The following MTUS2 variants were observed in gnomAD, a reference collection of about 807,000 sequenced individuals.
MTUS2 encodes the protein microtubule associated scaffold protein 2, also known as microtubule-associated tumor suppressor candidate 2.
In MTUS2, 40 loss-of-function variants were observed where a neutral mutation model predicts 114.1. The ratio of observed to expected loss-of-function variants is 0.35; its 90% CI spans 0.27 to 0.46. The LOEUF (loss-of-function observed/expected upper bound fraction) is 0.46, where lower values mean the gene tolerates loss of function less well. Ranked by LOEUF, MTUS2 falls within the 20% of genes least tolerant of loss-of-function variation. The pLI is 1.00. For missense variants in MTUS2, 1,679 were observed against 1,705.4 expected (o/e 0.98, Z 0.27); for synonymous variants, 688 against 672.0 (o/e 1.02, Z -0.37).
intron 4 of MTUS2, among the ~76,000 whole-genome samples, chr13:29,094,677 T>A (rs1195925300): frequency 6.6e-6 from 1 of 152,028 alleles, no homozygotes; most frequent in East Asian, 1.9e-4. Flanking sequence ...TTCTCTGTTT[T>A]ATTTATTTTC....
Position 29,041,479 on chromosome 13 carries a change from G to A in MTUS2, c.2446+7354G>A, listed in dbSNP as rs1294980863. 2.0e-5 allele frequency among the ~76,000 whole-genome samples: 3 copies of A among 152,124 alleles called. No individual in the cohort carries two copies. The East Asian group carries it at 5.8e-4, about 29-fold the overall frequency. On this transcript the variant is annotated intron_variant, in intron 4 of 15. Coordinates refer to ENST00000612955, the MANE Select transcript of MTUS2 (RefSeq NM_001033602.4). ...TTTAGAATTGTTCTAGTTCTGTGAA[G>A]AATGATGGTGGTATATTGATGGAAA...
intron 5 of MTUS2, among the ~76,000 whole-genome samples, chr13:29,264,057 C>A (rs1897577538): frequency 6.6e-6 from 1 of 152,210 alleles, no homozygotes; most frequent in African/African-American, 2.4e-5. Flanking sequence ...AAATAAAAAA[C>A]AAATTATCGA....
chr13:28,821,666 G>C (rs1012263136), intron 1 of MTUS2, among the ~76,000 whole-genome samples: 2 of 152,228 alleles, frequency 1.3e-5, no homozygotes, highest in Non-Finnish European at 2.9e-5. Flanking sequence ...CTGATACCTT[G>C]ATACCTGTAA....
intron 11 of MTUS2, among the ~76,000 whole-genome samples, chr13:29,491,814 GGGTAGGTGTGTGTGTGT>G (rs1335997658): frequency 1.5e-4 from 16 of 107,020 alleles, no homozygotes; most frequent in Admixed American, 7.2e-4. Context: ...GATGTGTGTG[GGGTAGGTGTGTGTGTGT>G]GGTAGGTGTG....
intron 2 of MTUS2, among the ~76,000 whole-genome samples, chr13:28,988,086 A>T (rs1399819128): frequency 6.6e-6 from 1 of 152,274 alleles, no homozygotes; most frequent in Non-Finnish European, 1.5e-5. Flanking sequence ...ATCTCATTTT[A>T]CAGCCAATGT....
intron 7 of MTUS2, among the ~76,000 whole-genome samples, chr13:29,345,371 T>C (rs1207000883): frequency 6.6e-6 from 1 of 152,018 alleles, no homozygotes; most frequent in African/African-American, 2.4e-5. Flanking sequence ...CTTTTTTCTT[T>C]GTCTTTGTTG....
At chr13:29,411,115 G>C (rs1875203841) in intron 8 of MTUS2, among the ~76,000 whole-genome samples, 2 of 152,168 alleles carry the variant, frequency 1.3e-5, no homozygotes, top group South Asian at 4.1e-4. Context: ...ATGCTCACAG[G>C]CTTGAGCCAC....
chr13:28,916,957 T>C (rs961842212), intron 2 of MTUS2, among the ~76,000 whole-genome samples: 2 of 152,036 alleles, frequency 1.3e-5, no homozygotes, highest in Middle Eastern at 3.4e-3. Context: ...CCTCAGTCTT[T>C]TGAGGGTTTT....
intron 4 of MTUS2, among the ~76,000 whole-genome samples, chr13:29,054,662 C>G (rs1374267354): frequency 6.6e-6 from 1 of 152,066 alleles, no homozygotes; most frequent in Non-Finnish European, 1.5e-5. Context: ...ACTTTTATGA[C>G]ACCTGAATTT....
At chr13:29,422,654 T>C (rs1431041361) in intron 8 of MTUS2, among the ~76,000 whole-genome samples, 11 of 139,716 alleles carry the variant, frequency 7.9e-5, no homozygotes, top group South Asian at 2.4e-4. Context: ...TTTTCTTTTT[T>C]TTTTTTTTTT....
intron 2 of MTUS2, among the ~76,000 whole-genome samples, chr13:28,927,193 C>T (rs968177496): frequency 6.6e-6 from 1 of 152,162 alleles, no homozygotes; most frequent in Non-Finnish European, 1.5e-5. Context: ...AATTTTGCAG[C>T]AGCCTATGAC....
At chr13:28,914,287 A>T (rs1447479645) in intron 2 of MTUS2, among the ~76,000 whole-genome samples, 1 of 152,076 alleles carries the variant, frequency 6.6e-6, no homozygotes, top group East Asian at 1.9e-4. Flanking sequence ...AGATTCTGGC[A>T]TGTTGTCTGT....
chr13:29,339,691 C>T, intron 7 of MTUS2: 1 of 183,952 alleles, frequency 5.4e-6, no homozygotes, highest in Non-Finnish European at 1.1e-5. Flanking sequence ...TGGGAAAGTG[C>T]CTCCAGGCCT....
At chr13:28,889,849 A>C (rs1189324670) in intron 2 of MTUS2, among the ~76,000 whole-genome samples, 4 of 152,044 alleles carry the variant, frequency 2.6e-5, no homozygotes, top group African/African-American at 7.2e-5. Flanking sequence ...TCTGCTCTTA[A>C]GTGGAGTTTG....
At chr13:28,860,619 C>T (rs748915089) in intron 2 of MTUS2, among the ~76,000 whole-genome samples, 20 of 152,298 alleles carry the variant, frequency 1.3e-4, no homozygotes, top group African/African-American at 4.8e-4. Flanking sequence ...ATGCACGAGG[C>T]TTATCCCTGG....
chr13:29,305,670 G>A (rs976264225), intron 6 of MTUS2, among the ~76,000 whole-genome samples: 6 of 151,894 alleles, frequency 4.0e-5, no homozygotes, highest in East Asian at 1.9e-4. Flanking sequence ...AAAAAAACCC[G>A]TGACCAGATG....
At chr13:29,482,892 T>G (rs1881300586) in intron 10 of MTUS2, among the ~76,000 whole-genome samples, 1 of 152,208 alleles carries the variant, frequency 6.6e-6, no homozygotes, top group African/African-American at 2.4e-5. Context: ...ACGTTGGCTG[T>G]TTCCCCAGGC....
chr13:28,835,288 A>G (rs1315912709), intron 1 of MTUS2, among the ~76,000 whole-genome samples: 1 of 152,240 alleles, frequency 6.6e-6, no homozygotes, highest in Non-Finnish European at 1.5e-5. Context: ...TAAATAAGAT[A>G]TGGCTTATTC....
intron 2 of MTUS2, among the ~76,000 whole-genome samples, chr13:28,843,456 A>G (rs1875648376): frequency 6.6e-6 from 1 of 152,146 alleles, no homozygotes; most frequent in Non-Finnish European, 1.5e-5. Flanking sequence ...TCCTTTCCCT[A>G]ATTCATCTTT....
Sources: allele counts gnomAD v4.1 joint callset (sites outside exome capture counted in the v4.1 genomes callset), GRCh38; gene constraint gnomAD v4.1.1; transcripts MANE v1.5; gene names NCBI Gene and HGNC (gene_info 2026-07-23, HGNC 2026-07-21).